Variants in GNAI2 observed in about 807,000 individuals in gnomAD.
GNAI2 encodes the protein guanine nucleotide-binding protein G(i) subunit alpha-2.
A neutral mutation model predicts 36.8 loss-of-function variants in GNAI2; 4 were observed. The observed-to-expected ratio is 0.11, with a 90% CI of 0.05 to 0.25. The LOEUF is 0.25. Among genes scored for constraint, GNAI2 ranks in the 10% least tolerant of loss-of-function variants. The pLI is 1.00. For missense variants in GNAI2, 230 were observed against 481.3 expected, an observed-to-expected ratio of 0.48 and a Z score of 4.89; for synonymous variants, 194 against 194.1, an observed-to-expected ratio of 1.00 and a Z score of 0.01.
At chr3:50,228,759 C>T (rs974617500), upstream of GNAI2, among the ~76,000 whole-genome samples, 9 of 152,314 alleles carry the variant, frequency 5.9e-5, no homozygotes, top group Middle Eastern at 0.017. Flanking sequence ...GGCCTTTGCA[C>T]TGGCTGATAG....
rs1553700326 is a variant in GNAI2 at position 50,236,214 on chromosome 3, A to T, written c.-122A>T. On this transcript the variant is annotated 5_prime_UTR_variant, in exon 1 of 9. Transcript: ENST00000313601. This position sits in a 1 kb window ranked among gnomAD's most constrained non-coding sequence, Gnocchi z 4.0. ...GAAGGCGCCTCCCGCAGTCGCTCGG[A>T]ACTGCCGACCCGAGTGCTTCCCGCA... The T allele has an allele frequency of 8.4e-7, 1 of 1,184,830 alleles. No individual in the cohort carries two copies. The highest frequency in any genetic ancestry group is 3.8e-5 in the East Asian group (1 of 26,436). The allele number at this position is 1,184,830 out of a possible 1,614,324, so 73.4% of individuals were successfully genotyped here. A position where few individuals can be genotyped will look rare whatever the true frequency, so the allele number is the denominator to read the frequency against.
chr3:50,257,741 G>A (rs1553703522), intron 8 of GNAI2, 27 bp downstream of exon 8: 1 of 1,374,326 alleles, frequency 7.3e-7, no homozygotes, highest in Admixed American at 2.3e-5. Flanking sequence ...GTGGCAGGGT[G>A]CTGGGGAAGA....
At chr3:50,245,291 C>G (rs181229870) in intron 1 of GNAI2, among the ~76,000 whole-genome samples, 204 of 152,328 alleles carry the variant, frequency 1.3e-3, no homozygotes, top group African/African-American at 4.5e-3. Context: ...AGCCACCCCG[C>G]CCCGCCAGTG....
intron 1 of GNAI2, among the ~76,000 whole-genome samples, chr3:50,237,467 C>T (rs1553700506): frequency 6.6e-6 from 1 of 152,170 alleles, no homozygotes; most frequent in East Asian, 1.9e-4. Flanking sequence ...GCTGCCCCTG[C>T]GGGTGAGCCC....
Position 50,259,115 on chromosome 3 carries a change from A to G in GNAI2, c.*772A>G, listed in dbSNP as rs1700790836. The G allele has an allele frequency of 2.0e-5, 7 of 352,038 alleles. No homozygotes were observed. Among genetic ancestry groups the G allele is most frequent in the East Asian group, 1.6e-4 (2 of 12,772 alleles). The allele number at this position is 352,038 out of a possible 1,614,324, so 21.8% of individuals were successfully genotyped here. A position where few individuals can be genotyped will look rare whatever the true frequency, so the allele number is the denominator to read the frequency against. ...AATTGGGTTCCAAGGGCTGTTCCAG[A>G]CAACTGCCAACGTCACTGAGGGCCC... is the stretch of plus-strand genomic sequence containing the variant. On this transcript the variant is annotated 3_prime_UTR_variant, in exon 9 of 9. Coordinates refer to ENST00000313601, the MANE Select transcript of GNAI2 (RefSeq NM_002070.4).
At chr3:50,250,708 C>T (rs1700533631) in intron 1 of GNAI2, among the ~76,000 whole-genome samples, 1 of 152,156 alleles carries the variant, frequency 6.6e-6, no homozygotes, top group African/African-American at 2.4e-5. Context: ...GTTGGGTGGC[C>T]CCCCTGGTCC....
At chr3:50,227,111 G>T (rs985432644), upstream of GNAI2, 1 of 1,371,108 alleles carries the variant, frequency 7.3e-7, no homozygotes, top group Non-Finnish European at 9.4e-7. This position sits in a 1 kb window ranked among gnomAD's most constrained non-coding sequence, Gnocchi z 5.9. Context: ...GCGCGAGAAG[G>T]AGGGAGCGTC....
rs2109181194 is a variant in GNAI2 at position 50,236,966 on chromosome 3, C to T, written c.118+513C>T. On this transcript the variant is annotated intron_variant, in intron 1 of 8. Transcript: ENST00000313601. This position sits in a 1 kb window ranked among gnomAD's most constrained non-coding sequence, Gnocchi z 4.0. ...CTAGTCTGGAATCTGTATCCTCCACCTGTGCACTCTGACCCAAGGAACCTC... is the reference window on the plus strand; with the variant it reads ...CTAGTCTGGAATCTGTATCCTCCACTTGTGCACTCTGACCCAAGGAACCTC... 6.6e-6 allele frequency among the ~76,000 whole-genome samples: 1 copy of T among 152,306 alleles called. No homozygotes were observed. Among genetic ancestry groups the T allele is most frequent in the East Asian group, 1.9e-4 (1 of 5,180 alleles).
rs1365433322 is a variant in GNAI2 at position 50,255,117 on chromosome 3, A to C, written c.465-1075A>C. 6.6e-6 allele frequency among the ~76,000 whole-genome samples: 1 copy of C among 151,842 alleles called. No individual in the cohort carries two copies. Among genetic ancestry groups the C allele is most frequent in the Non-Finnish European group, 1.5e-5 (1 of 67,946 alleles). On this transcript the variant is annotated intron_variant, in intron 4 of 8. Coordinates refer to ENST00000313601, the MANE Select transcript of GNAI2 (RefSeq NM_002070.4). The surrounding 1 kb of genome is among the most constrained non-coding windows in gnomAD (Gnocchi z 4.0). ...CCTGTTTTTCTGTTTTGTCCCTGCT[A>C]CTCTGAGATCATTTCCCTCTGGCCT...
At chr3:50,251,840 C>T (rs1700565168) in intron 1 of GNAI2, 2 of 1,258,376 alleles carry the variant, frequency 1.6e-6, no homozygotes, top group Admixed American at 3.1e-5. Context: ...CCATGGTGGG[C>T]AGCAGAGCTT....
At chr3:50,228,685 C>A (rs776761293), upstream of GNAI2, among the ~76,000 whole-genome samples, 21 of 152,218 alleles carry the variant, frequency 1.4e-4, no homozygotes, top group Admixed American at 5.9e-4. Flanking sequence ...CTGACCCCTG[C>A]CCCCTGGTAC....
rs1553703476 is a variant in GNAI2 at position 50,257,579 on chromosome 3, G to A, written c.957G>A (p.Glu319=). 1.2e-6 allele frequency: 2 copies of A among 1,609,398 alleles called. No homozygotes were observed. The highest frequency in any genetic ancestry group is 1.1e-5 in the South Asian group (1 of 90,748). ...TGAATAAGCGCAAAGACACCAAGGA[G>A]ATCTACACGCACTTCACGTGCGCCA... ...EDLNKRKDTK[E]IYTHFTCATD... The change falls in exon 8 of 9, where the codon GAG becomes GAA. Residue 319 remains glutamate (E), a synonymous_variant. Coordinates refer to ENST00000313601, the MANE Select transcript of GNAI2 (RefSeq NM_002070.4).
intron 1 of GNAI2, among the ~76,000 whole-genome samples, chr3:50,249,566 A>C (rs1447095206): frequency 6.6e-6 from 1 of 152,180 alleles, no homozygotes; most frequent in South Asian, 2.1e-4. Context: ...GGGCTAAAGC[A>C]ATAGAGGGGA....
rs782028165 is a variant in GNAI2 at position 50,236,345 on chromosome 3, A to C, written c.10A>C (p.Thr4Pro). Residue 4 changes from threonine (T) to proline (P), a missense_variant, in exon 1 of 9, where the codon ACC becomes CCC. Coordinates refer to ENST00000313601, the MANE Select transcript of GNAI2 (RefSeq NM_002070.4). This position sits in a 1 kb window ranked among gnomAD's most constrained non-coding sequence, Gnocchi z 4.0. MGC[T>P]VSAEDKAAAE... Reference sequence around the variant, plus strand: ...GCCGGCGGACGGCGGGATGGGCTGCACCGTGAGCGCCGAGGACAAGGCGGC... The same window carrying C: ...GCCGGCGGACGGCGGGATGGGCTGCCCCGTGAGCGCCGAGGACAAGGCGGC... The C allele has an allele frequency of 6.6e-7, 1 of 1,513,464 alleles. No individual in the cohort carries two copies. Among genetic ancestry groups the C allele is most frequent in the Non-Finnish European group, 8.8e-7 (1 of 1,139,670 alleles). The allele number at this position is 1,513,464 out of a possible 1,614,324, so 93.8% of individuals were successfully genotyped here. A position where few individuals can be genotyped will look rare whatever the true frequency, so the allele number is the denominator to read the frequency against.
In GNAI2 at chr3:50,241,368, A is replaced by C. The variant is rs143832562; in HGVS notation, c.118+4915A>C. ...CGGGGCTTTGTCTGCAGGAGCAGGC[A>C]GGGATAGAGCTCCCACACTAAGGAG... On this transcript the variant is annotated intron_variant, in intron 1 of 8. Coordinates refer to ENST00000313601, the MANE Select transcript of GNAI2 (RefSeq NM_002070.4). This position sits in a 1 kb window ranked among gnomAD's most constrained non-coding sequence, Gnocchi z 5.0. Among the ~76,000 whole-genome samples, 1 of 152,318 alleles carries C rather than the reference A, an allele frequency of 6.6e-6. No individual in the cohort carries two copies. The highest frequency in any genetic ancestry group is 1.5e-5 in the Non-Finnish European group (1 of 68,014).
chr3:50,257,900 T>G (rs1016493147), intron 8 of GNAI2, 186 bp downstream of exon 8: 2 of 506,330 alleles, frequency 3.9e-6, no homozygotes, highest in Non-Finnish European at 7.0e-6. Flanking sequence ...GTGCAGGGCA[T>G]GGAGGAGGTC....
At chr3:50,243,495 A>G (rs1700344032) in intron 1 of GNAI2, among the ~76,000 whole-genome samples, 1 of 152,152 alleles carries the variant, frequency 6.6e-6, no homozygotes, top group African/African-American at 2.4e-5. Flanking sequence ...CGGACAAAGG[A>G]TCCCTGGCCT....
chr3:50,228,724 C>T (rs1281363941), upstream of GNAI2, among the ~76,000 whole-genome samples: 1 of 152,228 alleles, frequency 6.6e-6, no homozygotes, highest in Non-Finnish European at 1.5e-5. Context: ...GTTGGCATGG[C>T]ATGCCATGCT....
upstream of GNAI2, chr3:50,229,251 G>T (rs1298178795): frequency 1.3e-5 from 2 of 152,222 alleles, no homozygotes; most frequent in Non-Finnish European, 2.9e-5. Context: ...CTTCCCAGGG[G>T]AGGTGGCCTT....
Sources: gnomAD v4.1 joint callset for allele counts (sites outside exome capture counted in the v4.1 genomes callset) on GRCh38, gnomAD v4.1.1 for gene constraint, Gnocchi (gnomAD v3.1) non-coding constraint, MANE v1.5 for transcripts, NCBI Gene and HGNC (gene_info 2026-07-23, HGNC 2026-07-21) for gene names.